Variants in TPTE observed in about 807,000 individuals in gnomAD.
TPTE encodes putative tyrosine-protein phosphatase TPTE.
TPTE carries 59 observed loss-of-function variants against 84.1 expected under a neutral mutation model. The ratio of observed to expected loss-of-function variants is 0.70; its 90% CI spans 0.57 to 0.87. The LOEUF (loss-of-function observed/expected upper bound fraction) is 0.87. Ranked by LOEUF, TPTE falls within the 40% of genes least tolerant of loss-of-function variation. The pLI is 0.00. For synonymous variants in TPTE, 130 were observed against 223.5 expected (o/e 0.58, Z 3.73); for missense variants, 382 against 659.6 (o/e 0.58, Z 4.61).
intron 10 of TPTE, among the ~76,000 whole-genome samples, chr21:10,566,243 A>G (rs1239029822): frequency 3.3e-5 from 5 of 152,312 alleles, no homozygotes; most frequent in Non-Finnish European, 4.4e-5. Context: ...AAACAGGCAT[A>G]TCAAGAGATG....
chr21:10,572,533 A>AT (rs1316547269), intron 14 of TPTE, among the ~76,000 whole-genome samples: 5 of 152,130 alleles, frequency 3.3e-5, no homozygotes, highest in Admixed American at 2.6e-4. Context: ...ACTCCATTTG[A>AT]TTAGCAGTAG....
chr21:10,540,967 G>T, intron 4 of TPTE, 145 bp from the exon 5 acceptor site: 1 of 1,275,058 alleles, frequency 7.8e-7, no homozygotes, highest in East Asian at 2.5e-5. Context: ...AAAGACAAAT[G>T]CCATCCCAGG....
chr21:10,594,534 G>C (rs1359821874), intron 19 of TPTE, among the ~76,000 whole-genome samples: 1 of 152,312 alleles, frequency 6.6e-6, no homozygotes, highest in African/African-American at 2.4e-5. Context: ...GTAGGAGAAG[G>C]AAGCGTGGGA....
At chr21:10,555,250 C>T (rs2074658994) in intron 8 of TPTE, among the ~76,000 whole-genome samples, 1 of 152,298 alleles carries the variant, frequency 6.6e-6, no homozygotes, top group Non-Finnish European at 1.5e-5. Flanking sequence ...GCTCTGTCAC[C>T]AGGCTGGAGT....
chr21:10,524,850 A>G (rs1470595754), intron 2 of TPTE, among the ~76,000 whole-genome samples, 162 bp downstream of exon 2: 3 of 152,312 alleles, frequency 2.0e-5, no homozygotes, highest in Non-Finnish European at 4.4e-5. Context: ...ATGAGCTGGT[A>G]TAACTCTGAA....
rs369891740 is a variant in TPTE at position 10,552,711 on chromosome 21, A to G, written c.228A>G (p.Ser76=). Residue 76 remains serine (S), a synonymous_variant, in exon 8 of 24, where the codon TCA becomes TCG. Transcript: ENST00000618007. ...TTGAAGATGCTGAAAATGTTGCTTC[A>G]TATGAGTAAGTCAGTTTGAAGTTTG... ...FEVEDAENVA[S]YDSKIKKIVH... The G allele has an allele frequency of 2.0e-5, 33 of 1,613,876 alleles. No homozygotes were observed. The highest frequency in any genetic ancestry group is 3.3e-4 in the Middle Eastern group (2 of 6,050).
chr21:10,538,575 C>T lies in TPTE; in HGVS notation c.-43-106C>T, dbSNP rs2074309526. 4 of 1,538,416 alleles carry T rather than the reference C, an allele frequency of 2.6e-6. No individual in the cohort carries two copies. In the Admixed American group the frequency reaches 7.1e-5, roughly 27 times the overall value. ...AAATAGTGCTATACACATGAATAGTCAGAACTTAACTGGTTTATGTGCAGA... is the reference window on the plus strand; with the variant it reads ...AAATAGTGCTATACACATGAATAGTTAGAACTTAACTGGTTTATGTGCAGA... On this transcript the variant is annotated intron_variant, in intron 3 of 23. Transcript: ENST00000618007.
intron 10 of TPTE, 87 bp downstream of exon 10, chr21:10,561,278 G>A (rs1209961159): frequency 1.3e-6 from 2 of 1,547,902 alleles, no homozygotes; most frequent in Non-Finnish European, 1.8e-6. Flanking sequence ...AGGATCCCAA[G>A]GTCAGGAGTT....
intron 3 of TPTE, among the ~76,000 whole-genome samples, chr21:10,530,332 T>C (rs1195208650): frequency 2.0e-4 from 30 of 152,298 alleles, no homozygotes; most frequent in African/African-American, 6.3e-4. Flanking sequence ...TATACAGATA[T>C]ATGCACATAT....
chr21:10,542,810 T>C (rs1450310954), intron 6 of TPTE, among the ~76,000 whole-genome samples: 3 of 152,308 alleles, frequency 2.0e-5, no homozygotes, highest in Non-Finnish European at 4.4e-5. Flanking sequence ...TTTGCATCCT[T>C]CTTTGGTGGA....
chr21:10,605,605 C>T lies in TPTE; in HGVS notation c.*53C>T, dbSNP rs375754889. 9.3e-6 allele frequency: 15 copies of T among 1,613,088 alleles called. No homozygotes were observed. In the African/African-American group the frequency reaches 1.7e-4, roughly 19 times the overall value. On this transcript the variant is annotated 3_prime_UTR_variant, in exon 24 of 24. Transcript: ENST00000618007. ...AAGAATTATGTTCTTTCCAACCCTG[C>T]CACATGTTCATATATCCTAAATCTA...
chr21:10,576,948 C>G (rs1262483904), intron 14 of TPTE, among the ~76,000 whole-genome samples: 1 of 152,188 alleles, frequency 6.6e-6, no homozygotes, highest in Non-Finnish European at 1.5e-5. Flanking sequence ...CCAAAAAAGT[C>G]TCCATATTGT....
intron 3 of TPTE, among the ~76,000 whole-genome samples, chr21:10,535,705 G>A (rs558412252): frequency 1.3e-5 from 2 of 152,362 alleles, no homozygotes; most frequent in East Asian, 3.9e-4. Context: ...GGTGACGGAG[G>A]AGTGAAGCAC....
chr21:10,596,374 G>A (rs374608218), intron 20 of TPTE, among the ~76,000 whole-genome samples: 841 of 147,140 alleles, frequency 5.7e-3, no homozygotes, highest in African/African-American at 0.019. Context: ...AACCCAGGCG[G>A]ACTTTTCCGG....
At chr21:10,564,814 A>T (rs2074884642) in intron 10 of TPTE, among the ~76,000 whole-genome samples, 2 of 152,310 alleles carry the variant, frequency 1.3e-5, no homozygotes, top group Admixed American at 6.5e-5. Context: ...TTCATGGTAA[A>T]CACCCTAAAA....
intron 6 of TPTE, among the ~76,000 whole-genome samples, chr21:10,542,721 C>G (rs1253998914): frequency 6.6e-6 from 1 of 152,310 alleles, no homozygotes; most frequent in African/African-American, 2.4e-5. Context: ...AATTTACTCT[C>G]AGGAGCCTGC....
intron 14 of TPTE, 123 bp downstream of exon 14, chr21:10,570,672 A>T: frequency 1.3e-6 from 2 of 1,521,996 alleles, no homozygotes; most frequent in Non-Finnish European, 1.8e-6. Flanking sequence ...AGGAAAAAAA[A>T]TCATAATGGA....
chr21:10,560,949 C>T (rs2074787655), intron 9 of TPTE, 81 bp from the exon 10 acceptor site: 1 of 1,507,872 alleles, frequency 6.6e-7, no homozygotes, highest in South Asian at 1.3e-5. Flanking sequence ...TGATCAGTGG[C>T]TTAAATATAG....
chr21:10,537,463 G>A (rs2145604616), intron 3 of TPTE, among the ~76,000 whole-genome samples: 1 of 152,412 alleles, frequency 6.6e-6, no homozygotes. Flanking sequence ...TGGATCACGA[G>A]GTCAGGAGAT....
Sources: gnomAD v4.1 joint callset for allele counts (sites outside exome capture counted in the v4.1 genomes callset) on GRCh38, gnomAD v4.1.1 for gene constraint, MANE v1.5 for transcripts, NCBI Gene and HGNC (gene_info 2026-07-23, HGNC 2026-07-21) for gene names.